Variants in HMOX1 observed in about 807,000 individuals in gnomAD.
HMOX1 encodes the protein heme oxygenase 1.
In HMOX1, 22 loss-of-function variants were observed where a neutral mutation model predicts 27.8. The observed-to-expected ratio is 0.79, with a 90% CI of 0.57 to 1.13. The LOEUF is 1.13. Ranked by LOEUF, HMOX1 falls within the 50% of genes most tolerant of loss-of-function variation. HMOX1 has a pLI of 0.00. For synonymous variants in HMOX1, 153 were observed against 151.6 expected, an observed-to-expected ratio of 1.01 and a Z score of -0.07; for missense variants, 379 against 377.7, an observed-to-expected ratio of 1.00 and a Z score of -0.03.
chr22:35,393,403 C>A, intron 4 of HMOX1, 65 bp from the exon 5 acceptor site: 2 of 1,608,404 alleles, frequency 1.2e-6, no homozygotes, highest in Middle Eastern at 3.3e-4. Flanking sequence ...CTTTGCTTTC[C>A]TATGACATCA....
chr22:35,385,460 G>T (rs1282570022), intron 2 of HMOX1, among the ~76,000 whole-genome samples: 2 of 146,102 alleles, frequency 1.4e-5, no homozygotes, highest in African/African-American at 5.2e-5. Flanking sequence ...TTCTGAGACA[G>T]GGTCTTGCTC....
At position 35,389,777 on chromosome 22, in the gene HMOX1, T is replaced by C. The variant is rs1425285331; in HGVS notation, c.637-87T>C. ...TACCATCTTGTTATTTCCAAAGTATTTCCTAACACAACTTAAGGTCCTACC... is the reference window on the plus strand; with the variant it reads ...TACCATCTTGTTATTTCCAAAGTATCTCCTAACACAACTTAAGGTCCTACC... On this transcript the variant is annotated intron_variant, in intron 3 of 4. Coordinates refer to ENST00000216117, the MANE Select transcript of HMOX1 (RefSeq NM_002133.3). 10 of 910,732 alleles carry C rather than the reference T, an allele frequency of 1.1e-5. No individual in the cohort carries two copies. In the Admixed American group the frequency reaches 2.0e-4, roughly 18 times the overall value. The allele number at this position is 910,732 out of a possible 1,614,324, so 56.4% of individuals were successfully genotyped here.
intron 4 of HMOX1, chr22:35,390,390 AT>A (rs200929343): frequency 0.014 from 3,606 of 257,774 alleles, 12 homozygotes; most frequent in South Asian, 0.021. Context: ...TGCCTGGCTA[AT>A]TTTTTTTTTG....
At chr22:35,386,566 G>GGA (rs1931507528) in intron 2 of HMOX1, 119 bp from the exon 3 acceptor site, 1 of 1,254,170 alleles carries the variant, frequency 8.0e-7, no homozygotes, top group Admixed American at 1.9e-5. Flanking sequence ...GGTGGCAGAA[G>GGA]GAGTCAGAGC....
intron 1 of HMOX1, 59 bp from the exon 2 acceptor site, chr22:35,383,047 G>A (rs1185098159): frequency 6.2e-7 from 1 of 1,605,748 alleles, no homozygotes; most frequent in African/African-American, 1.3e-5. Context: ...AGGCTCAGCA[G>A]TTGGGAAGGA....
In HMOX1 at chr22:35,381,213, G is replaced by C. The variant is rs1374770394; in HGVS notation, c.23+17G>C. 3.2e-6 allele frequency: 5 copies of C among 1,545,332 alleles called. No homozygotes were observed. Among genetic ancestry groups the C allele is most frequent in the South Asian group, 2.4e-5 (2 of 84,684 alleles). On this transcript the variant is annotated intron_variant, in intron 1 of 4. Coordinates refer to ENST00000216117, the MANE Select transcript of HMOX1 (RefSeq NM_002133.3). ...ACCCGACAGGCAAGCGCGGGGCGCG[G>C]GACGCGGGACGGGCGCCTTTCTCTC...
rs1370664429 is a variant in HMOX1 at position 35,389,293 on chromosome 22, TTTC to T, written c.637-565_637-563del. 4.2e-4 allele frequency among the ~76,000 whole-genome samples: 51 copies of T among 122,862 alleles called. 2 individuals carry two copies. The South Asian group carries it at 4.3e-3, about 10-fold the overall frequency. 80.6% of individuals were successfully genotyped at this position (122,862 alleles called of 152,430 possible). ...CTCTCTCCTCTCTCTCTCTCTCTTCTTTCTTCTTTCTTTCTTTCTTTCTTTCTT... is the reference window on the plus strand; with the variant it reads ...CTCTCTCCTCTCTCTCTCTCTCTTCTTTCTTTCTTTCTTTCTTTCTTTCTT... On this transcript the variant is annotated intron_variant, in intron 3 of 4. Transcript: ENST00000216117.
chr22:35,389,211 T>TTC (rs59548374), intron 3 of HMOX1, among the ~76,000 whole-genome samples: 1 of 124,570 alleles, frequency 8.0e-6, no homozygotes, highest in Non-Finnish European at 1.6e-5. Flanking sequence ...CTTTCTTTCT[T>TTC]TCTCTCTTTC....
At chr22:35,386,589 T>C in intron 2 of HMOX1, 96 bp from the exon 3 acceptor site, 1 of 1,508,824 alleles carries the variant, frequency 6.6e-7, no homozygotes, top group Non-Finnish European at 9.1e-7. Flanking sequence ...AGCTGCGAAG[T>C]GAGGAGGGCC....
At chr22:35,384,135 G>C (rs1931451775) in intron 2 of HMOX1, among the ~76,000 whole-genome samples, 3 of 151,972 alleles carry the variant, frequency 2.0e-5, no homozygotes, top group Non-Finnish European at 4.4e-5. Flanking sequence ...GGGCTGGAGT[G>C]CAATGGCAAG....
At chr22:35,392,242 GA>G (rs1931741848) in intron 4 of HMOX1, among the ~76,000 whole-genome samples, 2 of 146,148 alleles carry the variant, frequency 1.4e-5, no homozygotes, top group Admixed American at 6.8e-5. Flanking sequence ...AAAAAAGAAA[GA>G]AAAGAAAAGA....
intron 2 of HMOX1, 126 bp downstream of exon 2, chr22:35,383,352 T>A: frequency 9.1e-7 from 1 of 1,093,266 alleles, no homozygotes; most frequent in Non-Finnish European, 1.3e-6. Context: ...AGAATCATCT[T>A]AAAAATGATG....
intron 2 of HMOX1, among the ~76,000 whole-genome samples, chr22:35,384,304 G>A (rs1931456842): frequency 6.6e-6 from 1 of 151,842 alleles, no homozygotes; most frequent in Non-Finnish European, 1.5e-5. Context: ...GGCTGGTCTC[G>A]AACTCCTGAC....
chr22:35,387,410 G>A lies in HMOX1; in HGVS notation c.636+234G>A, dbSNP rs544102375. Reference sequence around the variant, plus strand: ...GGTACCTATATCTTAGACTTATAAGGCTTGAGTGAATTTACAGCAGTAAAG... The same window carrying A: ...GGTACCTATATCTTAGACTTATAAGACTTGAGTGAATTTACAGCAGTAAAG... On this transcript the variant is annotated intron_variant, in intron 3 of 4. Transcript: ENST00000216117. 2.6e-5 allele frequency among the ~76,000 whole-genome samples: 4 copies of A among 152,310 alleles called. No homozygotes were observed. The East Asian group carries it at 7.7e-4, about 29-fold the overall frequency.
Position 35,394,046 on chromosome 22 carries a change from T to C in HMOX1, c.*448T>C, listed in dbSNP as rs1931797546. Reference sequence around the variant, plus strand: ...ATTTTTGTTGGAGCCACTCTGTTCCTGGCTCAGCCTCAAATGCAGTATTTT... The same window carrying C: ...ATTTTTGTTGGAGCCACTCTGTTCCCGGCTCAGCCTCAAATGCAGTATTTT... On this transcript the variant is annotated 3_prime_UTR_variant, in exon 5 of 5. Transcript: ENST00000216117. 3.5e-6 allele frequency: 1 copy of C among 288,986 alleles called. No individual in the cohort carries two copies. Among genetic ancestry groups the C allele is most frequent in the African/African-American group, 2.2e-5 (1 of 45,952 alleles). The allele number at this position is 288,986 out of a possible 1,614,324, so 17.9% of individuals were successfully genotyped here.
At position 35,382,413 on chromosome 22, in the gene HMOX1, G is replaced by A. The variant is rs185387020; in HGVS notation, c.24-693G>A. ...GTTGCCCAGGCTGGAGTGCAGTGGCGCGATCTCGGCTCACTGCAACCTCTG... is the reference window on the plus strand; with the variant it reads ...GTTGCCCAGGCTGGAGTGCAGTGGCACGATCTCGGCTCACTGCAACCTCTG... On this transcript the variant is annotated intron_variant, in intron 1 of 4. Coordinates refer to ENST00000216117, the MANE Select transcript of HMOX1 (RefSeq NM_002133.3). Among the ~76,000 whole-genome samples, 599 of 151,892 alleles carry A rather than the reference G, an allele frequency of 3.9e-3. 6 individuals are homozygous for A. The highest frequency in any genetic ancestry group is 0.012 in the African/African-American group (513 of 41,414).
intron 4 of HMOX1, among the ~76,000 whole-genome samples, chr22:35,392,285 T>C (rs2145772628): frequency 6.6e-6 from 1 of 151,924 alleles, no homozygotes; most frequent in Middle Eastern, 3.4e-3. Context: ...TATCTAATTT[T>C]GTAAATAGTG....
At position 35,384,056 on chromosome 22, in the gene HMOX1, C is replaced by G. The variant is rs200449055; in HGVS notation, c.144+830C>G. Among the ~76,000 whole-genome samples, 15 of 152,164 alleles carry G rather than the reference C, an allele frequency of 9.9e-5. No individual in the cohort carries two copies. In the East Asian group the frequency reaches 2.5e-3, roughly 25 times the overall value. On this transcript the variant is annotated intron_variant, in intron 2 of 4. Coordinates refer to ENST00000216117, the MANE Select transcript of HMOX1 (RefSeq NM_002133.3). Reference sequence around the variant, plus strand: ...TTGCAATCTGCACCCTCTGCCACCCCCTACTTCCAACATGAGACATGCTTT... The same window carrying G: ...TTGCAATCTGCACCCTCTGCCACCCGCTACTTCCAACATGAGACATGCTTT...
rs552022839 is a variant in HMOX1 at position 35,381,208 on chromosome 22, G to GCGCGGGA, written c.23+22_23+28dup. ...CCGCAACCCGACAGGCAAGCGCGGG[G>GCGCGGGA]CGCGGGACGCGGGACGGGCGCCTTT... On this transcript the variant is annotated intron_variant, in intron 1 of 4. Transcript: ENST00000216117. 9,312 of 1,546,396 alleles carry GCGCGGGA rather than the reference G, an allele frequency of 6.0e-3. 46 individuals are homozygous for GCGCGGGA. The highest frequency in any genetic ancestry group is 6.8e-3 in the Non-Finnish European group (7,841 of 1,152,046).
Sources: allele counts gnomAD v4.1 joint callset (sites outside exome capture counted in the v4.1 genomes callset), GRCh38; gene constraint gnomAD v4.1.1; transcripts MANE v1.5; gene names NCBI Gene and HGNC (gene_info 2026-07-23, HGNC 2026-07-21).